The following RNF41 variants were observed in gnomAD, a reference collection of about 807,000 sequenced individuals.
The protein encoded by RNF41 is ring finger protein 41.
RNF41 carries 4 observed loss-of-function variants against 33.0 expected under a neutral mutation model. That is an observed-to-expected ratio of 0.12 (90% CI 0.06 to 0.28). RNF41 has a LOEUF of 0.28. Ranked by LOEUF, RNF41 falls within the 10% of genes least tolerant of loss-of-function variation. The pLI is 1.00. For missense variants in RNF41, 228 were observed against 432.6 expected, an observed-to-expected ratio of 0.53 and a Z score of 4.19; for synonymous variants, 164 against 153.2, an observed-to-expected ratio of 1.07 and a Z score of -0.52.
intron 1 of RNF41, among the ~76,000 whole-genome samples, chr12:56,220,968 C>T (rs919138684): frequency 1.1e-4 from 17 of 152,072 alleles, no homozygotes; most frequent in African/African-American, 3.1e-4. Flanking sequence ...CTCTAAAACC[C>T]CTGTATAGAA....
At position 56,207,672 on chromosome 12, in the gene RNF41, C is replaced by A. The variant is rs1038854919; in HGVS notation, c.576G>T (p.Glu192Asp). ...SVNPNLQNLE[E>D]TIEYNEILEW... ...CTAGGATCTCGTTGTATTCAATTGT[C>A]TCCTCCAGGTTCTGAAGGTTGGGGT... is the stretch of plus-strand genomic sequence containing the variant. The change falls in exon 6 of 7, where the codon GAG becomes GAT. Residue 192 changes from glutamate to aspartate, a missense_variant. Transcript: ENST00000345093. The A allele has an allele frequency of 6.2e-7, 1 of 1,613,336 alleles. No individual in the cohort carries two copies. The highest frequency in any genetic ancestry group is 8.5e-7 in the Non-Finnish European group (1 of 1,179,212).
intron 6 of RNF41, chr12:56,207,291 T>C: frequency 7.5e-7 from 1 of 1,342,164 alleles, no homozygotes; most frequent in East Asian, 4.6e-5. Flanking sequence ...CTGCCTCCTC[T>C]TCTCTGGGTT....
intron 1 of RNF41, among the ~76,000 whole-genome samples, chr12:56,217,665 G>A (rs948813761): frequency 1.3e-5 from 2 of 152,160 alleles, no homozygotes; most frequent in African/African-American, 2.4e-5. Flanking sequence ...ATCAGGAACC[G>A]GGTCGTACAG....
chr12:56,220,499 G>C (rs1026356770), intron 1 of RNF41, among the ~76,000 whole-genome samples: 33 of 150,352 alleles, frequency 2.2e-4, no homozygotes, highest in African/African-American at 8.0e-4. Flanking sequence ...TTACAGGCGT[G>C]AGCCACCGCG....
intron 1 of RNF41, among the ~76,000 whole-genome samples, chr12:56,218,695 T>TTA (rs746125373): frequency 2.2e-4 from 32 of 148,228 alleles, no homozygotes; most frequent in Admixed American, 4.7e-4. Flanking sequence ...TACATATTTA[T>TTA]TATATATATA....
chr12:56,215,946 A>AC (rs796980194), intron 2 of RNF41, among the ~76,000 whole-genome samples: 10 of 151,690 alleles, frequency 6.6e-5, no homozygotes, highest in African/African-American at 2.2e-4. Flanking sequence ...ACATGGTGAA[A>AC]CCCCATCTCT....
rs769093446 is a variant in RNF41 at position 56,204,639 on chromosome 12, G to C, written c.*1808C>G. On this transcript the variant is annotated 3_prime_UTR_variant, in exon 7 of 7. Transcript: ENST00000345093. ...CACTGAGCTTCCTGGCTCCATCTGA[G>C]GGTAAGGACAGGACAGTATGAGCCT... 1.3e-5 allele frequency: 2 copies of C among 152,698 alleles called. No homozygotes were observed. Among genetic ancestry groups the C allele is most frequent in the Non-Finnish European group, 1.5e-5 (1 of 68,128 alleles). The allele number at this position is 152,698 out of a possible 1,614,324, so 9.5% of individuals were successfully genotyped here.
chr12:56,213,895 A>G, intron 3 of RNF41, 63 bp downstream of exon 3: 1 of 1,056,394 alleles, frequency 9.5e-7, no homozygotes, highest in Non-Finnish European at 1.5e-6. Flanking sequence ...CTGCCCATGA[A>G]TATTTTCTAC....
intron 2 of RNF41, 30 bp downstream of exon 2, chr12:56,216,399 G>A (rs921367430): frequency 6.6e-6 from 1 of 152,200 alleles, no homozygotes; most frequent in African/African-American, 2.4e-5. Flanking sequence ...GTTGAGGCCT[G>A]GAATGGGATT....
At chr12:56,216,243 C>T (rs1231217347) in intron 2 of RNF41, among the ~76,000 whole-genome samples, 186 bp downstream of exon 2, 1 of 151,812 alleles carries the variant, frequency 6.6e-6, no homozygotes, top group African/African-American at 2.4e-5. Context: ...AAATTATTAA[C>T]AAGTAAAAGT....
intron 4 of RNF41, among the ~76,000 whole-genome samples, chr12:56,209,099 A>G (rs1159013452): frequency 1.3e-5 from 2 of 151,510 alleles, no homozygotes; most frequent in Non-Finnish European, 2.9e-5. Flanking sequence ...TCCTGACCTC[A>G]GGTGATCCGC....
chr12:56,220,293 C>T (rs1199734873), intron 1 of RNF41, among the ~76,000 whole-genome samples: 1 of 151,896 alleles, frequency 6.6e-6, no homozygotes, highest in Non-Finnish European at 1.5e-5. Flanking sequence ...CAGCTCACTG[C>T]AACCTCTGCC....
At chr12:56,214,575 T>C (rs1868725137) in intron 2 of RNF41, among the ~76,000 whole-genome samples, 1 of 149,282 alleles carries the variant, frequency 6.7e-6, no homozygotes, top group Non-Finnish European at 1.5e-5. Context: ...ACGCCTGTAA[T>C]CCCAGCACTT....
intron 1 of RNF41, among the ~76,000 whole-genome samples, chr12:56,219,081 C>T (rs1258961590): frequency 6.6e-6 from 1 of 151,992 alleles, no homozygotes; most frequent in Non-Finnish European, 1.5e-5. Context: ...CCTCAGCTCA[C>T]TCCAACCTCC....
intron 5 of RNF41, 68 bp from the exon 6 acceptor site, chr12:56,207,817 C>T: frequency 7.9e-7 from 1 of 1,271,940 alleles, no homozygotes; most frequent in South Asian, 1.2e-5. Context: ...AAAGTTTATC[C>T]AAGAATGAGG....
rs1309649628 is a variant in RNF41, at chr12:56,209,488, C to T, written c.362+809G>A. 6.1e-5 allele frequency among the ~76,000 whole-genome samples: 9 copies of T among 148,150 alleles called. 1 individual carries two copies. Among genetic ancestry groups the T allele is most frequent in the Non-Finnish European group, 8.9e-5 (6 of 67,126 alleles). ...TTTTTTTTTTTTTGAGACGGAGTCTCGCTCTGTTGCCCAGGCTGGAGTGCA... is the reference window on the plus strand; with the variant it reads ...TTTTTTTTTTTTTGAGACGGAGTCTTGCTCTGTTGCCCAGGCTGGAGTGCA... On this transcript the variant is annotated intron_variant, in intron 4 of 6. Transcript: ENST00000345093.
At position 56,206,509 on chromosome 12, in the gene RNF41, C is replaced by T. The variant is rs1490816315; in HGVS notation, c.892G>A (p.Asp298Asn). 6.2e-7 allele frequency: 1 copy of T among 1,614,100 alleles called. No homozygotes were observed. The highest frequency in any genetic ancestry group is 1.3e-5 in the African/African-American group (1 of 74,932). The change falls in exon 7 of 7, where the codon GAT (aspartate) becomes AAT (asparagine). Residue 298 changes from aspartate (D) to asparagine (N), a missense_variant. Asp to Asn is a conservative substitution (Grantham distance 23). Around this residue, in one of 2 missense-constraint regions of RNF41, gnomAD observed 199 missense variants for 334.6 expected, o/e 0.59. Transcript: ENST00000345093. This position sits in a 1 kb window ranked among gnomAD's most constrained non-coding sequence, Gnocchi z 5.7. ...VMACENQHMGDDMVQEPGLVM... is the reference protein window; with the variant it reads ...VMACENQHMGNDMVQEPGLVM... Reference sequence around the variant, plus strand: ...AGGCCTGGCTCTTGCACCATGTCATCCCCCATGTGCTGGTTCTCACAGGCC... The same window carrying T: ...AGGCCTGGCTCTTGCACCATGTCATTCCCCATGTGCTGGTTCTCACAGGCC...
Position 56,214,000 on chromosome 12 carries a change from A to G in RNF41, c.48T>C (p.Leu16=). 6.2e-7 allele frequency: 1 copy of G among 1,614,060 alleles called. No individual in the cohort carries two copies. Among genetic ancestry groups the G allele is most frequent in the Non-Finnish European group, 8.5e-7 (1 of 1,179,950 alleles). Residue 16 remains leucine (L), a synonymous_variant, in exon 3 of 7, where the codon CTT becomes CTC. Transcript: ENST00000345093. ...AGACTCCACTGCAAATAGGGCAGAT[A>G]AGATCTTCGTCAACATCCCCCTGGA... The part of the protein sequence containing the change: ...TRFQGDVDED[L]ICPICSGVLE...
chr12:56,208,512 C>A (rs1426469134), intron 4 of RNF41: 1 of 452,080 alleles, frequency 2.2e-6, no homozygotes, highest in African/African-American at 2.0e-5. Context: ...AAATTTCTTT[C>A]CCCAATCAAG....
Sources: gnomAD v4.1 joint callset for allele counts (sites outside exome capture counted in the v4.1 genomes callset) on GRCh38, gnomAD v4.1.1 for gene constraint, gnomAD v4.1.1 regional missense constraint, Gnocchi (gnomAD v3.1) non-coding constraint, MANE v1.5 for transcripts, NCBI Gene and HGNC (gene_info 2026-07-23, HGNC 2026-07-21) for gene names.